The following COL4A2 variants were observed in gnomAD, a reference collection of about 807,000 sequenced individuals.
COL4A2 encodes the protein collagen type IV alpha 2 chain, also known as collagen alpha-2(IV) chain.
A neutral mutation model predicts 200.2 loss-of-function variants in COL4A2; 99 were observed. The observed-to-expected ratio is 0.49, with a 90% CI of 0.42 to 0.58. The LOEUF is 0.58. COL4A2 is among the 20% of genes least tolerant of loss of function. The pLI is 0.00. For missense variants in COL4A2, 1,950 were observed against 2,314.1 expected, an observed-to-expected ratio of 0.84 and a Z score of 3.23; for synonymous variants, 897 against 900.6, an observed-to-expected ratio of 1.00 and a Z score of 0.07.
intron 3 of COL4A2, among the ~76,000 whole-genome samples, chr13:110,337,474 A>T (rs1370615185): frequency 6.6e-6 from 1 of 152,210 alleles, no homozygotes; most frequent in African/African-American, 2.4e-5. Flanking sequence ...CCAGAGCAGC[A>T]TGGGCAGGAA....
At position 110,491,106 on chromosome 13, in the gene COL4A2, G is replaced by A. The variant is rs2296850; in HGVS notation, c.3347-127G>A. 3.0e-5 allele frequency: 21 copies of A among 695,016 alleles called. No homozygotes were observed. The East Asian group carries it at 3.3e-4, about 11-fold the overall frequency. 43.1% of individuals were successfully genotyped at this position (695,016 alleles called of 1,614,324 possible). A position where few individuals can be genotyped will look rare whatever the true frequency, so the allele number is the denominator to read the frequency against. ...TAAAAATCAGCTAAGGAAGGAGCAC[G>A]GTTGGATGCCTCTCTCCATTCCTGA... On this transcript the variant is annotated intron_variant, in intron 36 of 47. Transcript: ENST00000360467.
chr13:110,416,945 A>T (rs1880061822), intron 4 of COL4A2, among the ~76,000 whole-genome samples: 1 of 151,790 alleles, frequency 6.6e-6, no homozygotes. Context: ...AAGGAAAGCT[A>T]GGTCTTGGTT....
At chr13:110,504,348 A>G in intron 45 of COL4A2, 84 bp downstream of exon 45, 1 of 1,187,986 alleles carries the variant, frequency 8.4e-7, no homozygotes, top group East Asian at 2.3e-5. Flanking sequence ...AAGGGGACAC[A>G]CGAGAGCCCA....
rs1882638465 is a variant in COL4A2, at chr13:110,474,869, T to TGATC, written c.2425+1719_2425+1720insGATC. The stretch of plus-strand genomic sequence containing the variant: ...TGCTCAAACATGATCACACACTCCA[T>TGATC]ACACACACGTACCCACACACGTGCC... On this transcript the variant is annotated intron_variant, in intron 29 of 47. Transcript: ENST00000360467. Among the ~76,000 whole-genome samples, 5 of 82,574 alleles carry TGATC rather than the reference T, an allele frequency of 6.1e-5. 1 individual carries two copies. Among genetic ancestry groups the TGATC allele is most frequent in the African/African-American group, 9.6e-5 (2 of 20,792 alleles). The allele number at this position is 82,574 out of a possible 152,430, so 54.2% of individuals were successfully genotyped here.
Position 110,424,396 on chromosome 13 carries a change from T to C in COL4A2, c.181-338T>C, listed in dbSNP as rs937940964. On this transcript the variant is annotated intron_variant, in intron 4 of 47. Transcript: ENST00000360467. ...ATTGAGGAAAATAGAGATAAAATTG[T>C]AGAAATTCATTTGGAAAATTTTTTA... Among the ~76,000 whole-genome samples, 48 of 108,788 alleles carry C rather than the reference T, an allele frequency of 4.4e-4. 1 individual carries two copies. The highest frequency in any genetic ancestry group is 1.5e-3 in the African/African-American group (47 of 31,852). 71.4% of individuals were successfully genotyped at this position (108,788 alleles called of 152,430 possible).
At chr13:110,314,818 A>G (rs979930403) in intron 3 of COL4A2, among the ~76,000 whole-genome samples, 2 of 152,144 alleles carry the variant, frequency 1.3e-5, no homozygotes, top group African/African-American at 2.4e-5. Flanking sequence ...CCGCCTGCCT[A>G]GGAAACCCCA....
chr13:110,493,063 GATGAGTGACACCCCCATGGGTGA>G, intron 38 of COL4A2, 125 bp from the exon 39 acceptor site: 3 of 501,450 alleles, frequency 6.0e-6, no homozygotes. Flanking sequence ...GTGAAATAAC[GATGAGTGACACCCCCATGGGTGA>G]AATAACGATG....
intron 8 of COL4A2, chr13:110,430,184 T>G (rs527590704): frequency 3.0e-6 from 2 of 660,982 alleles, no homozygotes; most frequent in East Asian, 6.5e-5. Flanking sequence ...CAAGCCAAAT[T>G]AGTACTTGTA....
intron 29 of COL4A2, among the ~76,000 whole-genome samples, chr13:110,476,277 C>T (rs897762206): frequency 8.5e-5 from 13 of 152,234 alleles, no homozygotes; most frequent in African/African-American, 3.1e-4. Context: ...CAACCATTAG[C>T]ACCCACTAAC....
chr13:110,472,337 G>C (rs187742841), intron 28 of COL4A2, among the ~76,000 whole-genome samples: 200 of 152,064 alleles, frequency 1.3e-3, no homozygotes, highest in African/African-American at 3.8e-3. Context: ...GGATGGTCTC[G>C]ATCTCCTGAC....
intron 3 of COL4A2, among the ~76,000 whole-genome samples, chr13:110,355,359 GGAGGGC>G: frequency 8.4e-6 from 1 of 119,576 alleles, no homozygotes; most frequent in Admixed American, 8.2e-5. Flanking sequence ...TGTGTGTGGG[GGAGGGC>G]TGCACTAGCT....
intron 3 of COL4A2, among the ~76,000 whole-genome samples, chr13:110,350,108 A>C (rs1157315774): frequency 6.6e-6 from 1 of 152,240 alleles, no homozygotes; most frequent in Non-Finnish European, 1.5e-5. Flanking sequence ...GATTTAAATA[A>C]GACTCCAAGG....
At chr13:110,502,947 G>A (rs1395318018) in intron 41 of COL4A2, 174 bp from the exon 42 acceptor site, 1 of 628,498 alleles carries the variant, frequency 1.6e-6, no homozygotes, top group Non-Finnish European at 2.8e-6. Flanking sequence ...GATTAAAATG[G>A]TAACTTTTAT....
intron 4 of COL4A2, among the ~76,000 whole-genome samples, chr13:110,378,966 G>C (rs1211358941): frequency 1.3e-5 from 2 of 152,192 alleles, no homozygotes; most frequent in African/African-American, 4.8e-5. Flanking sequence ...TCCGGCTCCT[G>C]TAAAGGGGAG....
At chr13:110,321,331 A>G (rs1362011830) in intron 3 of COL4A2, among the ~76,000 whole-genome samples, 2 of 152,164 alleles carry the variant, frequency 1.3e-5, no homozygotes, top group Admixed American at 1.3e-4. Flanking sequence ...GGTAAAATAT[A>G]TGTAACATAA....
chr13:110,408,647 C>T (rs1270685965), intron 4 of COL4A2, among the ~76,000 whole-genome samples: 1 of 152,168 alleles, frequency 6.6e-6, no homozygotes, highest in African/African-American at 2.4e-5. Flanking sequence ...GAAGGCCTTT[C>T]ATATGGTCGG....
chr13:110,361,024 A>C (rs200617667), intron 4 of COL4A2, among the ~76,000 whole-genome samples: 1 of 152,254 alleles, frequency 6.6e-6, no homozygotes, highest in Non-Finnish European at 1.5e-5. Context: ...ATTCACTGAT[A>C]AAGTGATAGA....
chr13:110,404,765 G>C (rs1879501876), intron 4 of COL4A2, among the ~76,000 whole-genome samples: 1 of 152,232 alleles, frequency 6.6e-6, no homozygotes, highest in African/African-American at 2.4e-5. Flanking sequence ...AGAGAAAGAG[G>C]AGGTTAGGAG....
At chr13:110,369,070 C>G (rs989653093) in intron 4 of COL4A2, among the ~76,000 whole-genome samples, 1 of 152,094 alleles carries the variant, frequency 6.6e-6, no homozygotes, top group Admixed American at 6.5e-5. Context: ...TTTAGCTGGG[C>G]GTGGTGGCAC....
Sources: allele counts gnomAD v4.1 joint callset (sites outside exome capture counted in the v4.1 genomes callset), GRCh38; gene constraint gnomAD v4.1.1; transcripts MANE v1.5; gene names NCBI Gene and HGNC (gene_info 2026-07-23, HGNC 2026-07-21).